GNAQ: variants seen among roughly 807,000 people sequenced by gnomAD.
The protein encoded by GNAQ is G protein subunit alpha q, also known as guanine nucleotide-binding protein G(q) subunit alpha.
A neutral mutation model predicts 43.9 loss-of-function variants in GNAQ; 8 were observed. The observed-to-expected ratio is 0.18, with a 90% confidence interval of 0.11 to 0.33. GNAQ has a LOEUF of 0.33. Ranked by LOEUF, GNAQ falls within the 10% of genes least tolerant of loss-of-function variation. GNAQ has a pLI of 1.00. For missense variants in GNAQ, 158 were observed against 450.8 expected (o/e 0.35, Z 5.88); for synonymous variants, 155 against 170.7 (o/e 0.91, Z 0.71).
intron 5 of GNAQ, among the ~76,000 whole-genome samples, chr9:77,784,217 T>C (rs1027090502): frequency 6.6e-6 from 1 of 152,182 alleles, no homozygotes; most frequent in Admixed American, 6.6e-5. Context: ...CAAAATACTT[T>C]TATGACACTA....
intron 1 of GNAQ, among the ~76,000 whole-genome samples, chr9:77,958,681 C>A (rs1341962483): frequency 6.6e-6 from 1 of 152,280 alleles, no homozygotes; most frequent in East Asian, 1.9e-4. Flanking sequence ...CCTCTATGGT[C>A]AGCCACAATT....
At chr9:77,959,086 A>C (rs1380976094) in intron 1 of GNAQ, among the ~76,000 whole-genome samples, 1 of 152,200 alleles carries the variant, frequency 6.6e-6, no homozygotes, top group East Asian at 1.9e-4. Context: ...AAACATCTCC[A>C]TTAGAATCAC....
At chr9:77,742,316 T>C (rs745658500) in intron 5 of GNAQ, among the ~76,000 whole-genome samples, 16 of 152,090 alleles carry the variant, frequency 1.1e-4, no homozygotes, top group Non-Finnish European at 1.9e-4. Flanking sequence ...GACTAACTAA[T>C]ATAGAAGGCA....
chr9:77,943,353 A>C (rs10781473), intron 1 of GNAQ, among the ~76,000 whole-genome samples: 43,980 of 152,182 alleles, frequency 0.29, 6,510 homozygotes, highest in South Asian at 0.44. Flanking sequence ...GTGTCTTGAG[A>C]AAAGGAAAAA....
chr9:77,787,909 A>G (rs1401306469), intron 5 of GNAQ, among the ~76,000 whole-genome samples: 2 of 152,166 alleles, frequency 1.3e-5, no homozygotes, highest in Non-Finnish European at 2.9e-5. Context: ...GCGTGCCTGT[A>G]ATCCCAGCTA....
intron 5 of GNAQ, among the ~76,000 whole-genome samples, chr9:77,760,947 G>C (rs867121971): frequency 0.021 from 2,154 of 103,352 alleles, no homozygotes; most frequent in Middle Eastern, 0.053. Context: ...CCCCATCTGA[G>C]AAGGGAGGAG....
chr9:78,007,138 T>C (rs1294968934), intron 1 of GNAQ, among the ~76,000 whole-genome samples: 1 of 152,148 alleles, frequency 6.6e-6, no homozygotes, highest in Non-Finnish European at 1.5e-5. Context: ...TAGGTGACAT[T>C]TGCCTCTAAC....
intron 1 of GNAQ, among the ~76,000 whole-genome samples, chr9:77,941,925 CA>C (rs1829320536): frequency 4.6e-5 from 7 of 151,584 alleles, no homozygotes; most frequent in African/African-American, 1.7e-4. Flanking sequence ...CACACACACA[CA>C]CACACACACA....
At chr9:77,912,529 T>C (rs1168806204) in intron 2 of GNAQ, among the ~76,000 whole-genome samples, 1 of 152,002 alleles carries the variant, frequency 6.6e-6, no homozygotes, top group Non-Finnish European at 1.5e-5. Flanking sequence ...AAGCAATTAT[T>C]AGAAGGGGAA....
At chr9:77,805,549 C>T (rs899737208) in intron 3 of GNAQ, among the ~76,000 whole-genome samples, 3 of 151,948 alleles carry the variant, frequency 2.0e-5, no homozygotes, top group South Asian at 2.1e-4. Flanking sequence ...GGATTACATG[C>T]GCGCAGCACC....
At chr9:77,883,732 A>C (rs1828255582) in intron 2 of GNAQ, among the ~76,000 whole-genome samples, 3 of 151,974 alleles carry the variant, frequency 2.0e-5, no homozygotes, top group Non-Finnish European at 4.4e-5. Flanking sequence ...TCTGTGGACC[A>C]GGGTACAATC....
intron 1 of GNAQ, among the ~76,000 whole-genome samples, chr9:77,997,328 C>T (rs1823582009): frequency 6.6e-6 from 1 of 152,202 alleles, no homozygotes. Context: ...CTCCTACATT[C>T]AATCAGCATG....
chr9:77,987,799 G>A (rs1316762465), intron 1 of GNAQ, among the ~76,000 whole-genome samples: 1 of 152,122 alleles, frequency 6.6e-6, no homozygotes, highest in African/African-American at 2.4e-5. Flanking sequence ...GGGTGGCTGA[G>A]GCAGGAGGAT....
chr9:77,835,047 A>G (rs1322054559), intron 2 of GNAQ, among the ~76,000 whole-genome samples: 3 of 152,094 alleles, frequency 2.0e-5, no homozygotes, highest in Non-Finnish European at 4.4e-5. Flanking sequence ...ACTGAATCCT[A>G]GTATACATTT....
chr9:77,738,214 A>G (rs1485447384), intron 5 of GNAQ, among the ~76,000 whole-genome samples: 1 of 152,214 alleles, frequency 6.6e-6, no homozygotes, highest in Non-Finnish European at 1.5e-5. Context: ...GGTTGTGTGC[A>G]AACACCTGCA....
intron 1 of GNAQ, among the ~76,000 whole-genome samples, chr9:78,028,447 T>A (rs1824009246): frequency 6.6e-6 from 1 of 152,218 alleles, no homozygotes; most frequent in African/African-American, 2.4e-5. Flanking sequence ...TTTAAATGTC[T>A]CCATATTATT....
chr9:77,807,791 TTG>T (rs1554717430), intron 3 of GNAQ, among the ~76,000 whole-genome samples: 1 of 152,098 alleles, frequency 6.6e-6, no homozygotes, highest in Non-Finnish European at 1.5e-5. Flanking sequence ...GGGTTTGAAT[TTG>T]TGTGTGTGTG....
At chr9:77,944,861 G>A (rs1013639529) in intron 1 of GNAQ, among the ~76,000 whole-genome samples, 5 of 152,218 alleles carry the variant, frequency 3.3e-5, no homozygotes, top group South Asian at 2.1e-4. Flanking sequence ...AATACTTTAC[G>A]AAACAGCTAG....
chr9:77,892,034 GTTTT>G (rs1179031010), intron 2 of GNAQ, among the ~76,000 whole-genome samples: 1 of 152,022 alleles, frequency 6.6e-6, no homozygotes, highest in Non-Finnish European at 1.5e-5. Flanking sequence ...CCCCCAGATT[GTTTT>G]TTTGTTTGTT....
Sources: gnomAD v4.1 joint callset for allele counts (sites outside exome capture counted in the v4.1 genomes callset) on GRCh38, gnomAD v4.1.1 for gene constraint, MANE v1.5 for transcripts, NCBI Gene and HGNC (gene_info 2026-07-23, HGNC 2026-07-21) for gene names.